The following UBR4 variants were observed in gnomAD, a reference collection of about 807,000 sequenced individuals.
UBR4 encodes ubiquitin protein ligase E3 component n-recognin 4.
UBR4 carries 124 observed loss-of-function variants against 575.6 expected under a neutral mutation model. The observed-to-expected ratio is 0.22, with a 90% CI of 0.19 to 0.25. UBR4 has a LOEUF of 0.25. UBR4 is among the 10% of genes least tolerant of loss of function. The pLI is 1.00. For synonymous variants in UBR4, 2,455 were observed against 2,473.7 expected, an observed-to-expected ratio of 0.99 and a Z score of 0.22; for missense variants, 4,818 against 6,478.8, an observed-to-expected ratio of 0.74 and a Z score of 8.80.
chr1:19,173,645 GAGGT>G, intron 22 of UBR4, 24 bp from the exon 23 acceptor site: 1 of 1,612,062 alleles, frequency 6.2e-7, no homozygotes. Context: ...AAGCAGCATA[GAGGT>G]AGCACTTGGT....
intron 53 of UBR4, among the ~76,000 whole-genome samples, chr1:19,145,508 G>GACACACACACAC (rs555050832): frequency 0.019 from 2,754 of 145,094 alleles, 68 homozygotes; most frequent in East Asian, 0.052. Flanking sequence ...AAACCACTGA[G>GACACACACACAC]ACACACACAC....
chr1:19,149,612 T>A (rs997551921), intron 49 of UBR4: 12 of 612,252 alleles, frequency 2.0e-5, no homozygotes, highest in Non-Finnish European at 2.9e-5. Context: ...TTTTTACACA[T>A]GGACAGCTCT....
intron 103 of UBR4, chr1:19,078,789 A>AG (rs1366998178): frequency 1.3e-5 from 2 of 152,242 alleles, no homozygotes; most frequent in African/African-American, 4.8e-5. Context: ...AGCGACAGGC[A>AG]GGGGGAGACT....
Position 19,144,008 on chromosome 1 carries a change from G to A in UBR4, c.8151C>T (p.Pro2717=), listed in dbSNP as rs753647824. ...TTGGAGTGTTGCTTCGAGGGGAAGAGGGTAAAGTCACATGTCTCCGTTTGT... is the reference window on the plus strand; with the variant it reads ...TTGGAGTGTTGCTTCGAGGGGAAGAAGGTAAAGTCACATGTCTCCGTTTGT... ...PRNKRRHVTL[P]SSPRSNTPMG... Residue 2717 remains proline (P), a synonymous_variant, in exon 55 of 106, where the codon CCC becomes CCT. Transcript: ENST00000375254. 2.5e-6 allele frequency: 4 copies of A among 1,613,870 alleles called. No homozygotes were observed. The highest frequency in any genetic ancestry group is 3.4e-6 in the Non-Finnish European group (4 of 1,179,924).
chr1:19,130,071 A>G (rs1207324795), intron 60 of UBR4, among the ~76,000 whole-genome samples: 1 of 152,196 alleles, frequency 6.6e-6, no homozygotes, highest in African/African-American at 2.4e-5. Context: ...TAAAGAAAAT[A>G]GCTGGACATG....
chr1:19,095,766 GAA>G, intron 92 of UBR4, 114 bp from the exon 93 acceptor site: 2 of 900,168 alleles, frequency 2.2e-6, no homozygotes, highest in Non-Finnish European at 3.5e-6. Context: ...GGCTCCTCCT[GAA>G]ATGAAGAGGA....
Position 19,121,942 on chromosome 1 carries a change from T to G in UBR4, c.9887A>C (p.Lys3296Thr). Residue 3296 changes from lysine to threonine, a missense_variant, in exon 67 of 106, where the codon AAA (lysine) becomes ACA (threonine). By Grantham distance (78) the Lys-to-Thr change is moderately conservative. Transcript: ENST00000375254. The stretch of plus-strand genomic sequence containing the variant: ...GGAGCAGCATTGCTTACAGTCATCT[T>G]TGATGCAGAATTTCTGCCAGTTGAT... ...RTINWQKFCI[K>T]DDSVLYFLLQ... 1 of 1,614,206 alleles carries G rather than the reference T, an allele frequency of 6.2e-7. No individual in the cohort carries two copies.
At position 19,106,627 on chromosome 1, in the gene UBR4, C is replaced by T. The variant is rs140143952; in HGVS notation, c.12335G>A (p.Arg4112Gln). The change falls in exon 83 of 106, where the codon CGG (arginine) becomes CAG (glutamine). Residue 4112 changes from arginine to glutamine, a missense_variant. Around this residue, in one of 29 missense-constraint regions of UBR4, gnomAD observed 178 missense variants for 175.5 expected, o/e 1.01. Transcript: ENST00000375254. Reference sequence around the variant, plus strand: ...ATCCAAGGGGGAGGTCCTCTTCCCCCGACGACTCAGGAACTGTTTCCACCT... The same window carrying T: ...ATCCAAGGGGGAGGTCCTCTTCCCCTGACGACTCAGGAACTGTTTCCACCT... ...VWRWKQFLSR[R>Q]GKRTSPLDLK... 72 of 1,605,288 alleles carry T rather than the reference C, an allele frequency of 4.5e-5. No homozygotes were observed. The African/African-American group carries it at 6.4e-4, about 14-fold the overall frequency.
rs773280338 is a variant in UBR4 at position 19,167,089 on chromosome 1, C to A, written c.4042G>T (p.Ala1348Ser). Residue 1348 changes from alanine (A) to serine (S), a missense_variant, in exon 29 of 106, where the codon GCT (alanine) becomes TCT (serine). Physicochemically the swap from Ala to Ser is moderately conservative, Grantham distance 99. This residue lies in a region of UBR4 where 1,172 missense variants were observed against 1,259.7 expected (regional missense o/e 0.93). Transcript: ENST00000375254. Reference protein sequence around the residue: ...LGPAESDEFLARVYEKLITGC... With the variant: ...LGPAESDEFLSRVYEKLITGC... ...GTGATCAGCTTCTCATAAACACGAGCCAAGAACTCATCAGACTCAGCAGGG... is the reference window on the plus strand; with the variant it reads ...GTGATCAGCTTCTCATAAACACGAGACAAGAACTCATCAGACTCAGCAGGG... The A allele has an allele frequency of 1.9e-6, 3 of 1,614,194 alleles. No homozygotes were observed. The highest frequency in any genetic ancestry group is 2.5e-6 in the Non-Finnish European group (3 of 1,180,040).
intron 28 of UBR4, 136 bp downstream of exon 28, chr1:19,167,886 ATACTT>A: frequency 1.1e-6 from 1 of 910,206 alleles, no homozygotes; most frequent in Non-Finnish European, 1.5e-6. Flanking sequence ...GTAAGTGCTT[ATACTT>A]TAAAGCAACA....
chr1:19,093,275 C>T lies in UBR4; in HGVS notation c.14111+38G>A, dbSNP rs367635947. 14 of 1,601,564 alleles carry T rather than the reference C, an allele frequency of 8.7e-6. No homozygotes were observed. The highest frequency in any genetic ancestry group is 2.7e-5 in the African/African-American group (2 of 74,680). ...GGAGAAGGAAAAGGAAAGGGCAAAGCGAAGGCAAAGCAGCCCCGCTGCGGG... is the reference window on the plus strand; with the variant it reads ...GGAGAAGGAAAAGGAAAGGGCAAAGTGAAGGCAAAGCAGCCCCGCTGCGGG... On this transcript the variant is annotated intron_variant, in intron 96 of 105. Transcript: ENST00000375254. The surrounding 1 kb of genome is among the most constrained non-coding windows in gnomAD (Gnocchi z 4.8).
intron 90 of UBR4, 67 bp downstream of exon 90, chr1:19,099,530 G>T: frequency 7.1e-7 from 1 of 1,406,798 alleles, no homozygotes; most frequent in Non-Finnish European, 1.0e-6. Context: ...AATGGCTCCT[G>T]CTGGTACAAG....
rs769441754 is a variant in UBR4 at position 19,113,904 on chromosome 1, C to T, written c.11328+41G>A. On this transcript the variant is annotated intron_variant, in intron 76 of 105. Transcript: ENST00000375254. ...CTAGGAGGCAGTCTTCTGATCAAGA[C>T]CCAAGCCCTTATCCAAATGCCCTTT... 4 of 1,614,196 alleles carry T rather than the reference C, an allele frequency of 2.5e-6. No individual in the cohort carries two copies. The South Asian group carries it at 4.4e-5, about 18-fold the overall frequency.
Position 19,114,015 on chromosome 1 carries a change from A to G in UBR4, c.11258T>C (p.Leu3753Pro). 6.2e-7 allele frequency: 1 copy of G among 1,614,226 alleles called. No individual in the cohort carries two copies. The highest frequency in any genetic ancestry group is 8.5e-7 in the Non-Finnish European group (1 of 1,180,036). The stretch of plus-strand genomic sequence containing the variant: ...CTCCAGCTGTGGCCGGTGTCCCATC[A>G]GCTGATGATACACTCGATCAGCTTT... ...LDKADRVYHQ[L>P]MGHRPQLENL... The change falls in exon 76 of 106, where the codon CTG (leucine) becomes CCG (proline). Residue 3753 changes from leucine to proline, a missense_variant. Physicochemically the swap from Leu to Pro is moderately conservative, Grantham distance 98. Around this residue, in one of 29 missense-constraint regions of UBR4, gnomAD observed 333 missense variants for 459.2 expected, o/e 0.73. Coordinates refer to ENST00000375254, the MANE Select transcript of UBR4 (RefSeq NM_020765.3).
Position 19,169,231 on chromosome 1 carries a change from T to C in UBR4, c.3741+204A>G, listed in dbSNP as rs60233345. 5.5e-3 allele frequency among the ~76,000 whole-genome samples: 838 copies of C among 152,290 alleles called. 8 individuals are homozygous for C. The highest frequency in any genetic ancestry group is 0.018 in the African/African-American group (741 of 41,548). ...ATAAATAAAATGGTTTGTCTTTTGA[T>C]AACACAAACTTCTAAGCAAAAAGCC... On this transcript the variant is annotated intron_variant, in intron 27 of 105. Coordinates refer to ENST00000375254, the MANE Select transcript of UBR4 (RefSeq NM_020765.3).
At chr1:19,163,152 T>C (rs1028668922) in intron 34 of UBR4, among the ~76,000 whole-genome samples, 2 of 152,182 alleles carry the variant, frequency 1.3e-5, no homozygotes, top group Admixed American at 1.3e-4. Flanking sequence ...CTAAGTTCCT[T>C]TGCTCTGCAC....
rs77896324 is a variant in UBR4, at chr1:19,160,007, C to T, written c.5577+104G>A. On this transcript the variant is annotated intron_variant, in intron 39 of 105. Transcript: ENST00000375254. ...TTCTAAGTTTTGGATGGCCAAGCAT[C>T]AACTGCTCTAAGTATACTCCTCAGA... 1,167 of 1,434,278 alleles carry T rather than the reference C, an allele frequency of 8.1e-4. 9 individuals are homozygous for T. In the African/African-American group the frequency reaches 0.015, roughly 18 times the overall value. The allele number at this position is 1,434,278 out of a possible 1,614,324, so 88.8% of individuals were successfully genotyped here.
At chr1:19,165,169 TAAACTC>T in intron 31 of UBR4, 74 bp downstream of exon 31, 1 of 1,497,154 alleles carries the variant, frequency 6.7e-7, no homozygotes, top group Non-Finnish European at 9.2e-7. Flanking sequence ...ATGCTGTAGT[TAAACTC>T]AGGCAGAAGA....
Position 19,100,922 on chromosome 1 carries a change from C to A in UBR4, c.13024-349G>T, listed in dbSNP as rs2078562549. Among the ~76,000 whole-genome samples the A allele has an allele frequency of 6.6e-6, 1 of 152,008 alleles. No individual in the cohort carries two copies. On this transcript the variant is annotated intron_variant, in intron 88 of 105. Transcript: ENST00000375254. The surrounding 1 kb of genome is among the most constrained non-coding windows in gnomAD (Gnocchi z 4.2). ...TCCTGCTGGTCTCATGTGATGCTAACCAATTTGGGGCCAGAGGACTTTGTC... is the reference window on the plus strand; with the variant it reads ...TCCTGCTGGTCTCATGTGATGCTAAACAATTTGGGGCCAGAGGACTTTGTC...
Sources: gnomAD v4.1 joint callset for allele counts (sites outside exome capture counted in the v4.1 genomes callset) on GRCh38, gnomAD v4.1.1 for gene constraint, gnomAD v4.1.1 regional missense constraint, Gnocchi (gnomAD v3.1) non-coding constraint, MANE v1.5 for transcripts, NCBI Gene and HGNC (gene_info 2026-07-23, HGNC 2026-07-21) for gene names.